Variants in INVS observed in about 807,000 individuals in gnomAD.
INVS encodes the protein inversin, also known as inversion of embryo turning homolog.
In INVS, 86 loss-of-function variants were observed where a neutral mutation model predicts 108.8. That is an observed-to-expected ratio of 0.79 (90% confidence interval 0.66 to 0.95). The LOEUF (loss-of-function observed/expected upper bound fraction) is 0.95. Among genes scored for constraint, INVS ranks in the 40% least tolerant of loss-of-function variants. INVS has a pLI of 0.00. For missense variants in INVS, 1,169 were observed against 1,297.4 expected, an observed-to-expected ratio of 0.90 and a Z score of 1.52; for synonymous variants, 455 against 473.5, an observed-to-expected ratio of 0.96 and a Z score of 0.51.
chr9:100,261,265 C>CTTT (rs1191530321), intron 10 of INVS, among the ~76,000 whole-genome samples: 4 of 136,330 alleles, frequency 2.9e-5, no homozygotes, highest in Admixed American at 7.4e-5. Context: ...AGGAATGCAT[C>CTTT]TTTTTTTTTT....
At chr9:100,266,710 AT>A (rs1325500743) in intron 11 of INVS, among the ~76,000 whole-genome samples, 2 of 152,200 alleles carry the variant, frequency 1.3e-5, no homozygotes, top group East Asian at 3.9e-4. Context: ...TTTCAGCCTC[AT>A]TTTACGAGAT....
intron 3 of INVS, among the ~76,000 whole-genome samples, chr9:100,174,395 C>A (rs1829643317): frequency 6.7e-6 from 1 of 150,316 alleles, no homozygotes; most frequent in East Asian, 1.9e-4. Flanking sequence ...AGAAATTAAC[C>A]AATCTTTAAA....
chr9:100,260,171 A>G (rs76224256), intron 10 of INVS, among the ~76,000 whole-genome samples: 2,638 of 131,948 alleles, frequency 0.02, 75 homozygotes, highest in African/African-American at 0.072. Flanking sequence ...TGTCCGACCT[A>G]TTACATTTTC....
At chr9:100,155,396 G>A (rs960484987) in intron 3 of INVS, among the ~76,000 whole-genome samples, 1 of 152,090 alleles carries the variant, frequency 6.6e-6, no homozygotes, top group Non-Finnish European at 1.5e-5. Context: ...GAGTGTAGTG[G>A]TACAATCTTG....
intron 3 of INVS, among the ~76,000 whole-genome samples, chr9:100,202,745 T>A (rs1252781552): frequency 6.6e-6 from 1 of 152,194 alleles, no homozygotes; most frequent in Non-Finnish European, 1.5e-5. Context: ...CACTATTAGG[T>A]CAGCAGGCTC....
At chr9:100,211,169 C>T (rs1264844857) in intron 3 of INVS, among the ~76,000 whole-genome samples, 1 of 151,894 alleles carries the variant, frequency 6.6e-6, no homozygotes, top group African/African-American at 2.4e-5. Flanking sequence ...AAAATGTTGT[C>T]CTTAAATAAA....
At chr9:100,206,520 G>A (rs1397179785) in intron 3 of INVS, among the ~76,000 whole-genome samples, 2 of 151,942 alleles carry the variant, frequency 1.3e-5, no homozygotes, top group African/African-American at 4.8e-5. Context: ...TTGATATATG[G>A]GAATGTGTAG....
chr9:100,132,840 C>T (rs756079456), intron 3 of INVS, among the ~76,000 whole-genome samples: 1 of 152,046 alleles, frequency 6.6e-6, no homozygotes. Flanking sequence ...TGCCATGGCT[C>T]ACGCCTGTAA....
chr9:100,275,302 T>A (rs890063027), intron 12 of INVS, among the ~76,000 whole-genome samples: 7 of 152,248 alleles, frequency 4.6e-5, no homozygotes, highest in Non-Finnish European at 1.5e-5. Context: ...TTGTATTTCC[T>A]TCTACTGATG....
chr9:100,253,191 T>C, intron 10 of INVS, 55 bp downstream of exon 10: 4 of 1,386,332 alleles, frequency 2.9e-6, no homozygotes, highest in Non-Finnish European at 4.1e-6. Flanking sequence ...GAGTATTTCT[T>C]CTTTGTTGTA....
chr9:100,245,366 G>A (rs563597095), intron 7 of INVS, among the ~76,000 whole-genome samples: 14 of 152,190 alleles, frequency 9.2e-5, no homozygotes, highest in Admixed American at 5.2e-4. Flanking sequence ...TGCAACCTCC[G>A]TCTCCCGGGT....
intron 14 of INVS, among the ~76,000 whole-genome samples, chr9:100,294,444 T>C (rs976766657): frequency 1.3e-5 from 2 of 152,136 alleles, no homozygotes; most frequent in Non-Finnish European, 2.9e-5. Flanking sequence ...GGCTTTGCAA[T>C]GTGTTCTCCC....
At chr9:100,290,572 G>T (rs568949799) in intron 13 of INVS, among the ~76,000 whole-genome samples, 1 of 152,000 alleles carries the variant, frequency 6.6e-6, no homozygotes, top group East Asian at 1.9e-4. Flanking sequence ...GGCTGGTCTC[G>T]AACTCCCGAC....
intron 14 of INVS, among the ~76,000 whole-genome samples, chr9:100,293,830 A>G (rs1448044882): frequency 1.3e-5 from 2 of 152,198 alleles, no homozygotes; most frequent in East Asian, 3.9e-4. Flanking sequence ...TAGGCCTTAC[A>G]GTGATGAATG....
At chr9:100,205,705 T>G (rs1219430418) in intron 3 of INVS, among the ~76,000 whole-genome samples, 4 of 151,806 alleles carry the variant, frequency 2.6e-5, no homozygotes, top group Non-Finnish European at 4.4e-5. Context: ...AATTATAAAT[T>G]ATACTTTACA....
Position 100,292,610 on chromosome 9 carries a change from A to G in INVS, c.2353A>G (p.Lys785Glu). ...KPSRRHDTEP[K>E]AKCAPQKRRT... ...CAGCAGGCGGCATGACACAGAACCC[A>G]AGGCCAAATGTGCCCCCCAGAAAAG... The change falls in exon 14 of 17, where the codon AAG becomes GAG. Residue 785 changes from lysine to glutamate, a missense_variant. By Grantham distance (56) the Lys-to-Glu change is moderately conservative (BLOSUM62 1). Transcript: ENST00000262457. 6.2e-7 allele frequency: 1 copy of G among 1,614,172 alleles called. No individual in the cohort carries two copies. Among genetic ancestry groups the G allele is most frequent in the Non-Finnish European group, 8.5e-7 (1 of 1,180,022 alleles).
intron 3 of INVS, among the ~76,000 whole-genome samples, chr9:100,178,937 C>G (rs566610381): frequency 2.0e-5 from 3 of 152,204 alleles, no homozygotes; most frequent in Non-Finnish European, 2.9e-5. Context: ...AACGGTGGAT[C>G]TCTCTACAGA....
chr9:100,259,557 CTTT>C (rs35844010), intron 10 of INVS, among the ~76,000 whole-genome samples: 4 of 132,960 alleles, frequency 3.0e-5, no homozygotes, highest in East Asian at 2.1e-4. Context: ...GAACTGGGGC[CTTT>C]TTTTTTTTTT....
At chr9:100,099,667 TGTG>T (rs1826756034) in intron 1 of INVS, among the ~76,000 whole-genome samples, 1 of 152,186 alleles carries the variant, frequency 6.6e-6, no homozygotes, top group Admixed American at 6.5e-5. Context: ...AAGGAGTAGA[TGTG>T]GTACGGGATG....
Sources: gnomAD v4.1 joint callset for allele counts (sites outside exome capture counted in the v4.1 genomes callset) on GRCh38, gnomAD v4.1.1 for gene constraint, MANE v1.5 for transcripts, NCBI Gene and HGNC (gene_info 2026-07-23, HGNC 2026-07-21) for gene names.